Variants in DNAH7 observed in about 807,000 individuals in gnomAD.
The protein encoded by DNAH7 is dynein axonemal heavy chain 7, also known as axonemal beta dynein heavy chain 7.
In DNAH7, 397 loss-of-function variants were observed where a neutral mutation model predicts 444.6. The observed-to-expected ratio is 0.89, with a 90% CI of 0.82 to 0.97. The LOEUF (loss-of-function observed/expected upper bound fraction) is 0.97. DNAH7 is among the 50% of genes least tolerant of loss of function. The pLI is 0.00. For synonymous variants in DNAH7, 1,636 were observed against 1,624.4 expected (o/e 1.01, Z -0.17); for missense variants, 4,902 against 4,800.8 (o/e 1.02, Z -0.62).
rs1296155943 is a variant in DNAH7 at position 195,796,430 on chromosome 2, A to G, written c.10515+146T>C. 1.4e-5 allele frequency: 14 copies of G among 968,838 alleles called. No homozygotes were observed. The African/African-American group carries it at 1.5e-4, about 10-fold the overall frequency. 60.0% of individuals were successfully genotyped at this position (968,838 alleles called of 1,614,324 possible). A position where few individuals can be genotyped will look rare whatever the true frequency, so the allele number is the denominator to read the frequency against. Reference sequence around the variant, plus strand: ...TCTGTTCCTCCAGATCTGGTTTTCAATGTGAGCCTCTCTCTCCTGCAATCC... The same window carrying G: ...TCTGTTCCTCCAGATCTGGTTTTCAGTGTGAGCCTCTCTCTCCTGCAATCC... On this transcript the variant is annotated intron_variant, in intron 56 of 64. Transcript: ENST00000312428.
In DNAH7 at chr2:195,960,342, G is replaced by A; in HGVS notation, c.2809C>T (p.Gln937Ter). 1 of 1,613,938 alleles carries A rather than the reference G, an allele frequency of 6.2e-7. No homozygotes were observed. Among genetic ancestry groups the A allele is most frequent in the Admixed American group, 1.7e-5 (1 of 60,008 alleles). ...TFILASVDEIQMLLDDHIIKT... is the reference protein window; with the variant it reads ...TFILASVDEI ...ATAATATGGTCATCCAACAACATCT[G>A]AATTTCATCAACTGATGCCAAAATA... The change falls in exon 18 of 65, where the codon CAG (glutamine) becomes TAG (stop). Residue 937 changes from glutamine (Q) to a stop codon, truncating the protein, a stop_gained. Coordinates refer to ENST00000312428, the MANE Select transcript of DNAH7 (RefSeq NM_018897.3). LOFTEE classifies it high-confidence loss of function.
chr2:195,863,632 G>A (rs1167019631), intron 41 of DNAH7, among the ~76,000 whole-genome samples: 1 of 152,116 alleles, frequency 6.6e-6, no homozygotes, highest in Admixed American at 6.5e-5. Flanking sequence ...AGACACAGGG[G>A]TATTTTGATC....
chr2:196,045,718 T>C (rs577935929), intron 5 of DNAH7, among the ~76,000 whole-genome samples: 3 of 152,184 alleles, frequency 2.0e-5, no homozygotes, highest in Admixed American at 1.3e-4. Flanking sequence ...ATAAATTAAA[T>C]ATGTAGTTTT....
At chr2:195,989,898 T>C (rs1198433225) in intron 12 of DNAH7, among the ~76,000 whole-genome samples, 1 of 152,226 alleles carries the variant, frequency 6.6e-6, no homozygotes, top group African/African-American at 2.4e-5. Flanking sequence ...TTATGCTTAC[T>C]GTACAGCTTG....
chr2:196,001,677 G>C lies in DNAH7; in HGVS notation c.1171C>G (p.Pro391Ala). ...QDFTDLIAQP[P>A]DSVRAFEHPG... The stretch of plus-strand genomic sequence containing the variant: ...TTGGTGAACTGAACCATACTTACTG[G>C]GGGTTGTGCAATTAAGTCCGTGAAA... Residue 391 changes from proline to alanine, a missense_variant and splice_region_variant, in exon 11 of 65, where the codon CCA (proline) becomes GCA (alanine). Physicochemically the swap from Pro to Ala is conservative, Grantham distance 27. Coordinates refer to ENST00000312428, the MANE Select transcript of DNAH7 (RefSeq NM_018897.3). The C allele has an allele frequency of 6.5e-7, 1 of 1,548,666 alleles. No homozygotes were observed. Among genetic ancestry groups the C allele is most frequent in the Non-Finnish European group, 8.7e-7 (1 of 1,148,026 alleles).
rs2124892422 is a variant in DNAH7, at chr2:195,817,607, T to C, written c.9425+89A>G. 3 of 1,344,472 alleles carry C rather than the reference T, an allele frequency of 2.2e-6. No homozygotes were observed. In the Admixed American group the frequency reaches 7.9e-5, roughly 35 times the overall value. The allele number at this position is 1,344,472 out of a possible 1,614,324, so 83.3% of individuals were successfully genotyped here. ...TTTCCCTTGCAGTATTCCTATTAAATCTAACAAAAGAGATCTGTAAAATGT... is the reference window on the plus strand; with the variant it reads ...TTTCCCTTGCAGTATTCCTATTAAACCTAACAAAAGAGATCTGTAAAATGT... On this transcript the variant is annotated intron_variant, in intron 50 of 64. Coordinates refer to ENST00000312428, the MANE Select transcript of DNAH7 (RefSeq NM_018897.3).
intron 46 of DNAH7, among the ~76,000 whole-genome samples, chr2:195,852,029 T>A (rs960329125): frequency 6.6e-6 from 1 of 151,758 alleles, no homozygotes; most frequent in South Asian, 2.1e-4. Flanking sequence ...GAGGGCAAGG[T>A]GGGCAGATCA....
intron 12 of DNAH7, chr2:195,994,782 GGT>G (rs1159942694): frequency 2.1e-6 from 1 of 467,220 alleles, no homozygotes; most frequent in Non-Finnish European, 4.2e-6. Context: ...CTGAATCTGC[GGT>G]TAATAGTTTG....
At chr2:195,751,671 G>A (rs976739876) in intron 63 of DNAH7, among the ~76,000 whole-genome samples, 1 of 152,182 alleles carries the variant, frequency 6.6e-6, no homozygotes. Flanking sequence ...AAAAGAACAT[G>A]AGCCGTTCTA....
In DNAH7 at chr2:196,052,838, C is replaced by T. The variant is rs919623866; in HGVS notation, c.79-1589G>A. On this transcript the variant is annotated intron_variant, in intron 2 of 64. Coordinates refer to ENST00000312428, the MANE Select transcript of DNAH7 (RefSeq NM_018897.3). ...CAGAGGGCGCATCAAGAATTGGAGT[C>T]TAAATGTCAATGGCAGGCTTTGAGG... Among the ~76,000 whole-genome samples the T allele has an allele frequency of 1.3e-5, 2 of 152,152 alleles. 1 individual carries two copies. The highest frequency in any genetic ancestry group is 1.3e-4 in the Admixed American group (2 of 15,276).
intron 11 of DNAH7, 107 bp downstream of exon 11, chr2:196,001,568 A>C: frequency 9.1e-7 from 1 of 1,098,140 alleles, no homozygotes; most frequent in East Asian, 2.8e-5. Context: ...ATAGGTCTAA[A>C]GATGTACTTT....
Position 195,799,288 on chromosome 2 carries a change from T to A in DNAH7, c.10353+8A>T. 1 of 1,545,132 alleles carries A rather than the reference T, an allele frequency of 6.5e-7. No homozygotes were observed. Among genetic ancestry groups the A allele is most frequent in the Non-Finnish European group, 8.7e-7 (1 of 1,147,090 alleles). On this transcript the variant is annotated splice_region_variant and intron_variant, in intron 55 of 64. Transcript: ENST00000312428. The stretch of plus-strand genomic sequence containing the variant: ...TAATATCCGATAACTTCATCTATTG[T>A]AAGGTACCTGGTCATCAGCAAATTT...
chr2:195,784,968 T>C (rs1028639263), intron 58 of DNAH7, among the ~76,000 whole-genome samples: 7 of 150,398 alleles, frequency 4.7e-5, no homozygotes, highest in African/African-American at 1.5e-4. Context: ...TGGAGTGCAG[T>C]GGGCATGATC....
chr2:196,030,867 G>T (rs979669278), intron 5 of DNAH7, among the ~76,000 whole-genome samples: 3 of 152,234 alleles, frequency 2.0e-5, no homozygotes, highest in African/African-American at 7.2e-5. Flanking sequence ...TTCACAGACT[G>T]GTGTTGAGTG....
chr2:196,013,879 G>A (rs752546958), intron 9 of DNAH7, among the ~76,000 whole-genome samples: 15 of 152,168 alleles, frequency 9.9e-5, no homozygotes, highest in Non-Finnish European at 1.6e-4. Context: ...GCTGTAATCA[G>A]GATGCAGATG....
intron 15 of DNAH7, among the ~76,000 whole-genome samples, chr2:195,981,902 G>T (rs1692600008): frequency 6.6e-6 from 1 of 152,112 alleles, no homozygotes; most frequent in African/African-American, 2.4e-5. Context: ...AACTTGGACT[G>T]GTCAAATATT....
rs368733136 is a variant in DNAH7 at position 195,754,315 on chromosome 2, C to T, written c.11764+22G>A. Reference sequence around the variant, plus strand: ...TGTTCAGTGCCCAGATATGAGCCGACTCATTCTGTCCCTGCACTTACCATC... The same window carrying T: ...TGTTCAGTGCCCAGATATGAGCCGATTCATTCTGTCCCTGCACTTACCATC... On this transcript the variant is annotated intron_variant, in intron 63 of 64. Coordinates refer to ENST00000312428, the MANE Select transcript of DNAH7 (RefSeq NM_018897.3). 2.4e-5 allele frequency: 38 copies of T among 1,604,612 alleles called. No individual in the cohort carries two copies. The African/African-American group carries it at 4.4e-4, about 19-fold the overall frequency.
chr2:196,014,019 G>A (rs934880332), intron 9 of DNAH7, among the ~76,000 whole-genome samples: 2 of 152,148 alleles, frequency 1.3e-5, no homozygotes, highest in Admixed American at 6.6e-5. Context: ...AGAATTCGAG[G>A]CATAGAATAC....
chr2:196,060,653 T>C (rs1698085082), intron 1 of DNAH7, among the ~76,000 whole-genome samples: 1 of 152,220 alleles, frequency 6.6e-6, no homozygotes, highest in Admixed American at 6.5e-5. Context: ...TAATCCTATA[T>C]TCCCTCTAGC....
Sources: allele counts gnomAD v4.1 joint callset (sites outside exome capture counted in the v4.1 genomes callset), GRCh38; gene constraint gnomAD v4.1.1; transcripts MANE v1.5; gene names NCBI Gene and HGNC (gene_info 2026-07-23, HGNC 2026-07-21).